The following TUBA3C variants were observed in gnomAD, a reference collection of about 807,000 sequenced individuals.
The protein encoded by TUBA3C is tubulin alpha-3C chain.
TUBA3C carries 23 observed loss-of-function variants against 33.4 expected under a neutral mutation model. The ratio of observed to expected loss-of-function variants is 0.69; its 90% CI spans 0.50 to 0.98. TUBA3C has a LOEUF of 0.98. Among genes scored for constraint, TUBA3C ranks in the 50% least tolerant of loss-of-function variants. TUBA3C has a pLI of 0.00. For synonymous variants in TUBA3C, 269 were observed against 250.4 expected, an observed-to-expected ratio of 1.07 and a Z score of -0.70; for missense variants, 402 against 616.0, an observed-to-expected ratio of 0.65 and a Z score of 3.68.
intron 4 of TUBA3C, 61 bp from the exon 5 acceptor site, chr13:19,174,220 G>C: frequency 6.5e-7 from 1 of 1,538,712 alleles, no homozygotes; most frequent in South Asian, 1.3e-5. Flanking sequence ...AATGGTGGCT[G>C]CTTTTCCTCA....
Position 19,178,403 on chromosome 13 carries a change from G to A in TUBA3C, c.227-9C>T. ...TCCTGTGCGCACTTCATCTACAAAAGAGACCGTATGTACTGTGAATCTTTA... is the reference window on the plus strand; with the variant it reads ...TCCTGTGCGCACTTCATCTACAAAAAAGACCGTATGTACTGTGAATCTTTA... On this transcript the variant is annotated splice_polypyrimidine_tract_variant and intron_variant, in intron 2 of 4. Coordinates refer to ENST00000400113, the MANE Select transcript of TUBA3C (RefSeq NM_006001.3). 6.2e-7 allele frequency: 1 copy of A among 1,614,036 alleles called. No homozygotes were observed. Among genetic ancestry groups the A allele is most frequent in the Non-Finnish European group, 8.5e-7 (1 of 1,179,976 alleles).
At chr13:19,179,262 A>C in intron 2 of TUBA3C, 79 bp downstream of exon 2, 5 of 1,580,266 alleles carry the variant, frequency 3.2e-6, no homozygotes, top group Non-Finnish European at 4.3e-6. Context: ...GGAGGATTCA[A>C]AGGAGCCCAC....
chr13:19,174,082 C>G lies in TUBA3C; in HGVS notation c.1134G>C (p.Leu378=), dbSNP rs1240518130. The G allele has an allele frequency of 9.3e-6, 15 of 1,613,824 alleles. No homozygotes were observed. Among genetic ancestry groups the G allele is most frequent in the South Asian group, 6.6e-5 (6 of 91,062 alleles). ...CCTCCGCGATGGCCGTGGTGTTGCT[C>G]AGCATGCACACAGCCCGCTGCACCT... ...LAKVQRAVCM[L]SNTTAIAEAW... The change falls in exon 5 of 5, where the codon CTG becomes CTC. Residue 378 remains leucine, a synonymous_variant. Coordinates refer to ENST00000400113, the MANE Select transcript of TUBA3C (RefSeq NM_006001.3).
chr13:19,174,807 A>G (rs9507560), intron 4 of TUBA3C, among the ~76,000 whole-genome samples: 6,312 of 152,164 alleles, frequency 0.041, 158 homozygotes, highest in Middle Eastern at 0.068. Context: ...CAAAAATACA[A>G]AAAAATTAGC....
chr13:19,180,787 G>A (rs569201839), intron 1 of TUBA3C, among the ~76,000 whole-genome samples: 78 of 151,806 alleles, frequency 5.1e-4, no homozygotes, highest in Middle Eastern at 3.4e-3. Flanking sequence ...GAGCCACAGC[G>A]CCCGGCCGAA....
At chr13:19,175,661 A>T (rs1869152494) in intron 4 of TUBA3C, among the ~76,000 whole-genome samples, 1 of 152,172 alleles carries the variant, frequency 6.6e-6, no homozygotes, top group East Asian at 1.9e-4. Context: ...TCATTTGCAG[A>T]TTGATTTTGC....
chr13:19,173,843 G>A lies in TUBA3C; in HGVS notation c.*20C>T, dbSNP rs1399030883. 6.2e-7 allele frequency: 1 copy of A among 1,601,480 alleles called. No individual in the cohort carries two copies. The highest frequency in any genetic ancestry group is 8.5e-7 in the Non-Finnish European group (1 of 1,172,884). On this transcript the variant is annotated 3_prime_UTR_variant, in exon 5 of 5. Transcript: ENST00000400113. The stretch of plus-strand genomic sequence containing the variant: ...ACGCTGGGGGTGGCAGTGGAGTGGA[G>A]AACCCACCACACCCTCCCCTCAGTA...
chr13:19,181,306 T>G (rs1428546712), intron 1 of TUBA3C, among the ~76,000 whole-genome samples: 1 of 152,076 alleles, frequency 6.6e-6, no homozygotes, highest in Non-Finnish European at 1.5e-5. Flanking sequence ...CGCCTCCAAC[T>G]CCCGTCTGAG....
At position 19,176,996 on chromosome 13, in the gene TUBA3C, G is replaced by A. The variant is rs148162055; in HGVS notation, c.987C>T (p.Asn329=). The A allele has an allele frequency of 4.3e-5, 70 of 1,614,078 alleles. No homozygotes were observed. The highest frequency in any genetic ancestry group is 2.5e-4 in the East Asian group (11 of 44,866). ...TGGTCTTGATGGTGGCGATGGCCGC[G>A]TTGACATCTTTCGGGACCACATCCC... ...YRGDVVPKDV[N]AAIATIKTKR... is the part of the protein sequence containing the mutation. Residue 329 remains asparagine, a synonymous_variant, in exon 4 of 5, where the codon AAC becomes AAT. Coordinates refer to ENST00000400113, the MANE Select transcript of TUBA3C (RefSeq NM_006001.3).
At chr13:19,181,627 T>C in intron 1 of TUBA3C, 118 bp downstream of exon 1, 1 of 1,463,960 alleles carries the variant, frequency 6.8e-7, no homozygotes, top group Non-Finnish European at 9.4e-7. Flanking sequence ...CATCCTTCTC[T>C]GACCTCCTTT....
chr13:19,180,309 C>G (rs783594), intron 1 of TUBA3C, among the ~76,000 whole-genome samples: 2 of 152,102 alleles, frequency 1.3e-5, no homozygotes, highest in African/African-American at 4.8e-5. Flanking sequence ...GCACTCCCTC[C>G]CCTCTACCCC....
intron 1 of TUBA3C, 28 bp from the exon 2 acceptor site, chr13:19,179,591 C>T (rs770533785): frequency 6.2e-7 from 1 of 1,600,206 alleles, no homozygotes; most frequent in Non-Finnish European, 8.5e-7. Context: ...AATGTAGACC[C>T]ATTCATTTCA....
At position 19,177,601 on chromosome 13, in the gene TUBA3C, G is replaced by T. The variant is rs781058352; in HGVS notation, c.382C>A (p.Leu128Met). 1 of 1,572,626 alleles carries T rather than the reference G, an allele frequency of 6.4e-7. No homozygotes were observed. Among genetic ancestry groups the T allele is most frequent in the Non-Finnish European group, 8.6e-7 (1 of 1,160,208 alleles). The change falls in exon 4 of 5, where the codon CTG (leucine) becomes ATG (methionine). Residue 128 changes from leucine to methionine, a missense_variant. Physicochemically the swap from Leu to Met is conservative, Grantham distance 15. Transcript: ENST00000400113. The surrounding 1 kb of genome is among the most constrained non-coding windows in gnomAD (Gnocchi z 5.0). The stretch of plus-strand genomic sequence containing the variant: ...AGGAAGCCCTGCAGTCCCGTGCACA[G>T]ATCCGCCTGAGGGAAACCAGACAAC... ...VLDRIRKLAD[L>M]CTGLQGFLIF... is the part of the protein sequence containing the mutation.
At chr13:19,179,132 T>G (rs940945247) in intron 2 of TUBA3C, among the ~76,000 whole-genome samples, 5 of 152,184 alleles carry the variant, frequency 3.3e-5, no homozygotes, top group Non-Finnish European at 7.3e-5. Flanking sequence ...CAAAGCAGCT[T>G]TTCCCTGTAG....
In TUBA3C at chr13:19,177,227, C is replaced by T. The variant is rs772875676; in HGVS notation, c.756G>A (p.Leu252=). The T allele has an allele frequency of 1.2e-6, 2 of 1,614,004 alleles. No homozygotes were observed. The highest frequency in any genetic ancestry group is 1.7e-5 in the Admixed American group (1 of 59,998). Residue 252 remains leucine (L), a synonymous_variant, in exon 4 of 5, where the codon TTG becomes TTA. Transcript: ENST00000400113. The surrounding 1 kb of genome is among the most constrained non-coding windows in gnomAD (Gnocchi z 5.0). ...LRFDGALNVD[L]TEFQTNLVPY... ...GCACTAGGTTGGTCTGGAATTCCGTCAAGTCCACATTCAGGGCCCCGTCAA... is the reference window on the plus strand; with the variant it reads ...GCACTAGGTTGGTCTGGAATTCCGTTAAGTCCACATTCAGGGCCCCGTCAA...
rs941723341 is a variant in TUBA3C at position 19,175,078 on chromosome 13, C to A, written c.1057-919G>T. 1.1e-4 allele frequency among the ~76,000 whole-genome samples: 16 copies of A among 152,168 alleles called. 1 individual carries two copies. The highest frequency in any genetic ancestry group is 3.4e-4 in the African/African-American group (14 of 41,514). Reference sequence around the variant, plus strand: ...CCTAGCTAACATGGTGAAACCCGGTCTCTACTAAAAATACAAAAACAAAAT... The same window carrying A: ...CCTAGCTAACATGGTGAAACCCGGTATCTACTAAAAATACAAAAACAAAAT... On this transcript the variant is annotated intron_variant, in intron 4 of 4. Coordinates refer to ENST00000400113, the MANE Select transcript of TUBA3C (RefSeq NM_006001.3).
At chr13:19,181,377 G>T (rs184649785) in intron 1 of TUBA3C, among the ~76,000 whole-genome samples, 48 of 152,238 alleles carry the variant, frequency 3.2e-4, no homozygotes, top group African/African-American at 9.1e-4. Flanking sequence ...GGCTCCTGGG[G>T]CTCCTCAGTG....
intron 1 of TUBA3C, 122 bp from the exon 2 acceptor site, chr13:19,179,685 A>G (rs563215582): frequency 2.2e-6 from 3 of 1,351,492 alleles, no homozygotes; most frequent in Admixed American, 2.7e-5. Context: ...TTCACAATTG[A>G]TATTTCCTAG....
At chr13:19,178,188 A>C in intron 3 of TUBA3C, 58 bp downstream of exon 3, 3 of 1,596,410 alleles carry the variant, frequency 1.9e-6, no homozygotes, top group Non-Finnish European at 8.6e-7. Context: ...TCCCCTTCAC[A>C]ATCTAAGATC....
Sources: gnomAD v4.1 joint callset for allele counts (sites outside exome capture counted in the v4.1 genomes callset) on GRCh38, gnomAD v4.1.1 for gene constraint, Gnocchi (gnomAD v3.1) non-coding constraint, MANE v1.5 for transcripts, NCBI Gene and HGNC (gene_info 2026-07-23, HGNC 2026-07-21) for gene names.